EPHA3: variants seen among roughly 807,000 people sequenced by gnomAD.
The protein encoded by EPHA3 is EPH receptor A3.
EPHA3 carries 42 observed loss-of-function variants against 107.1 expected under a neutral mutation model. That is an observed-to-expected ratio of 0.39 (90% CI 0.31 to 0.51). The LOEUF (loss-of-function observed/expected upper bound fraction) is 0.51. Among genes scored for constraint, EPHA3 ranks in the 20% least tolerant of loss-of-function variants. The pLI is 0.78. For missense variants in EPHA3, 1,183 were observed against 1,211.2 expected, an observed-to-expected ratio of 0.98 and a Z score of 0.35; for synonymous variants, 461 against 424.8, an observed-to-expected ratio of 1.09 and a Z score of -1.05.
intron 16 of EPHA3, among the ~76,000 whole-genome samples, chr3:89,474,685 G>A (rs1484047924): frequency 6.6e-6 from 1 of 152,142 alleles, no homozygotes; most frequent in Non-Finnish European, 1.5e-5. Flanking sequence ...CTGCTAGTTT[G>A]CAATTCAAAT....
intron 8 of EPHA3, among the ~76,000 whole-genome samples, 159 bp downstream of exon 8, chr3:89,407,530 G>A (rs1244966222): frequency 1.3e-5 from 2 of 151,854 alleles, no homozygotes; most frequent in Admixed American, 6.6e-5. Flanking sequence ...CCTTTTCTTT[G>A]TTTCTCCATC....
chr3:89,224,391 A>G (rs1704451166), intron 3 of EPHA3, among the ~76,000 whole-genome samples: 1 of 152,232 alleles, frequency 6.6e-6, no homozygotes, highest in Admixed American at 6.5e-5. Flanking sequence ...GTATTAGGTA[A>G]CACCAAATTT....
At chr3:89,116,787 TG>T in intron 1 of EPHA3, among the ~76,000 whole-genome samples, 1 of 151,840 alleles carries the variant, frequency 6.6e-6, no homozygotes. Flanking sequence ...TTCAAGCTAT[TG>T]GCATATTTTC....
At chr3:89,276,014 G>A (rs1318142369) in intron 3 of EPHA3, among the ~76,000 whole-genome samples, 5 of 152,062 alleles carry the variant, frequency 3.3e-5, no homozygotes, top group African/African-American at 1.2e-4. Context: ...GTGAATAGCA[G>A]TCAGTGAGGC....
chr3:89,210,229 A>G lies in EPHA3; in HGVS notation c.523A>G (p.Asn175Asp), dbSNP rs1334260867. Residue 175 changes from asparagine (N) to aspartate (D), a missense_variant, in exon 3 of 17, where the codon AAC becomes GAC. By Grantham distance (23) the Asn-to-Asp change is conservative (BLOSUM62 1). Coordinates refer to ENST00000336596, the MANE Select transcript of EPHA3 (RefSeq NM_005233.6). Reference sequence around the variant, plus strand: ...TGAGATTAGAGAAGTAGGTCCTGTCAACAAGAAGGGATTTTATTTGGCATT... The same window carrying G: ...TGAGATTAGAGAAGTAGGTCCTGTCGACAAGAAGGGATTTTATTTGGCATT... ...NTEIREVGPV[N>D]KKGFYLAFQD... The G allele has an allele frequency of 1.9e-6, 3 of 1,614,094 alleles. No homozygotes were observed. Among genetic ancestry groups the G allele is most frequent in the Non-Finnish European group, 2.5e-6 (3 of 1,179,978 alleles).
At chr3:89,125,587 G>T (rs1428739414) in intron 1 of EPHA3, among the ~76,000 whole-genome samples, 2 of 151,492 alleles carry the variant, frequency 1.3e-5, no homozygotes, top group Non-Finnish European at 3.0e-5. Context: ...TGTAATCCAT[G>T]CAGCGGCTAT....
At chr3:89,221,085 T>C (rs1704361216) in intron 3 of EPHA3, among the ~76,000 whole-genome samples, 1 of 152,178 alleles carries the variant, frequency 6.6e-6, no homozygotes, top group South Asian at 2.1e-4. Context: ...GTGGAACAGA[T>C]CGCTTGTGTG....
At chr3:89,322,105 A>AAC (rs144258152) in intron 3 of EPHA3, among the ~76,000 whole-genome samples, 23 of 149,746 alleles carry the variant, frequency 1.5e-4, no homozygotes, top group Middle Eastern at 3.4e-3. Context: ...CACACACACA[A>AAC]ACACACACAC....
intron 10 of EPHA3, 69 bp from the exon 11 acceptor site, chr3:89,419,136 G>T: frequency 7.0e-7 from 1 of 1,424,296 alleles, no homozygotes; most frequent in Non-Finnish European, 9.4e-7. Flanking sequence ...AAATAAAACA[G>T]TTGCTCTCTA....
At chr3:89,113,485 C>CAA (rs753848304) in intron 1 of EPHA3, among the ~76,000 whole-genome samples, 2,705 of 31,000 alleles carry the variant, frequency 0.087, 836 homozygotes, top group Middle Eastern at 0.27. Flanking sequence ...TTCCTTTGTA[C>CAA]AAAAAAAAAA....
At chr3:89,429,939 T>A (rs2107535560) in intron 12 of EPHA3, among the ~76,000 whole-genome samples, 1 of 152,182 alleles carries the variant, frequency 6.6e-6, no homozygotes, top group East Asian at 1.9e-4. Context: ...AGTTTTTGTA[T>A]TTTTAGTAGA....
Position 89,429,855 on chromosome 3 carries a change from C to T in EPHA3, c.2136+688C>T, listed in dbSNP as rs557984454. ...CTTGGCTCACTGCAATCCCCGCCTG[C>T]TGGGTTCAAGTGATTTTCCTGCCTC... On this transcript the variant is annotated intron_variant, in intron 12 of 16. Transcript: ENST00000336596. 1.9e-3 allele frequency among the ~76,000 whole-genome samples: 285 copies of T among 152,240 alleles called. 2 individuals carry two copies. The highest frequency in any genetic ancestry group is 3.4e-3 in the Non-Finnish European group (232 of 68,020).
chr3:89,458,029 T>C (rs1710134758), intron 15 of EPHA3, among the ~76,000 whole-genome samples: 1 of 152,072 alleles, frequency 6.6e-6, no homozygotes, highest in East Asian at 1.9e-4. Context: ...GAAGAACAGG[T>C]CTGCCATGCA....
At chr3:89,325,038 T>C (rs1278250136) in intron 3 of EPHA3, among the ~76,000 whole-genome samples, 1 of 152,182 alleles carries the variant, frequency 6.6e-6, no homozygotes, top group Non-Finnish European at 1.5e-5. Context: ...GATTTCCTTC[T>C]TTCTTATGGT....
chr3:89,244,658 A>G (rs555834627), intron 3 of EPHA3, among the ~76,000 whole-genome samples: 1 of 152,368 alleles, frequency 6.6e-6, no homozygotes, highest in South Asian at 2.1e-4. Flanking sequence ...ATTTTAAATT[A>G]GCTCTACTTC....
chr3:89,422,515 T>G (rs878880556), intron 11 of EPHA3, among the ~76,000 whole-genome samples: 1 of 151,416 alleles, frequency 6.6e-6, no homozygotes, highest in Non-Finnish European at 1.5e-5. Context: ...AATCAGACAA[T>G]TCACACATAA....
At chr3:89,370,482 G>A (rs1708277151) in intron 5 of EPHA3, among the ~76,000 whole-genome samples, 1 of 150,144 alleles carries the variant, frequency 6.7e-6, no homozygotes, top group African/African-American at 2.4e-5. Flanking sequence ...ACAGGAAGGG[G>A]AACATCATAC....
chr3:89,246,453 C>CT (rs1705035888), intron 3 of EPHA3, among the ~76,000 whole-genome samples: 17 of 151,158 alleles, frequency 1.1e-4, no homozygotes, highest in Admixed American at 1.1e-3. Context: ...TCTCACAACA[C>CT]TTTAACATGA....
intron 1 of EPHA3, among the ~76,000 whole-genome samples, chr3:89,114,731 G>A (rs1707213438): frequency 6.6e-6 from 1 of 152,204 alleles, no homozygotes; most frequent in African/African-American, 2.4e-5. Flanking sequence ...GCGAACACGA[G>A]CGCCAGGAGG....
Sources: gnomAD v4.1 joint callset for allele counts (sites outside exome capture counted in the v4.1 genomes callset) on GRCh38, gnomAD v4.1.1 for gene constraint, MANE v1.5 for transcripts, NCBI Gene and HGNC (gene_info 2026-07-23, HGNC 2026-07-21) for gene names.